RNF19B: variants seen among roughly 807,000 people sequenced by gnomAD.
RNF19B encodes E3 ubiquitin-protein ligase RNF19B.
In RNF19B, 23 loss-of-function variants were observed where a neutral mutation model predicts 65.5. The observed-to-expected ratio is 0.35, with a 90% CI of 0.25 to 0.50. RNF19B has a LOEUF of 0.50. Among genes scored for constraint, RNF19B ranks in the 20% least tolerant of loss-of-function variants. The pLI, the probability that RNF19B is intolerant of heterozygous loss-of-function variation, is 0.98. For synonymous variants in RNF19B, 372 were observed against 379.6 expected (o/e 0.98, Z 0.23); for missense variants, 794 against 980.0 (o/e 0.81, Z 2.53).
intron 1 of RNF19B, among the ~76,000 whole-genome samples, chr1:32,955,663 G>A (rs1402862036): frequency 2.0e-5 from 3 of 151,112 alleles, no homozygotes; most frequent in Admixed American, 6.6e-5. Flanking sequence ...GTGGGAGGAC[G>A]GCTACAGCCC....
At chr1:32,946,137 C>T (rs1642363259) in intron 4 of RNF19B, among the ~76,000 whole-genome samples, 1 of 152,238 alleles carries the variant, frequency 6.6e-6, no homozygotes, top group South Asian at 2.1e-4. Flanking sequence ...AAGTGCTAGG[C>T]CACGTATTAC....
chr1:32,948,266 G>A lies in RNF19B; in HGVS notation c.939C>T (p.Phe313=). ...HMTCAVCGCE[F]CWLCMKEISD... ...AGATCTCTTTCATACAAAGCCAACA[G>A]AATTCACAGCCACACACTGCACAGG... is the stretch of plus-strand genomic sequence containing the variant. Residue 313 remains phenylalanine (F), a synonymous_variant, in exon 3 of 9, where the codon TTC becomes TTT. Coordinates refer to ENST00000235150, the MANE Select transcript of RNF19B (RefSeq NM_001300826.2). 6.2e-7 allele frequency: 1 copy of A among 1,614,048 alleles called. No individual in the cohort carries two copies. The highest frequency in any genetic ancestry group is 8.5e-7 in the Non-Finnish European group (1 of 1,179,984).
downstream of RNF19B, among the ~76,000 whole-genome samples, chr1:32,933,070 T>C (rs188657318): frequency 8.3e-4 from 126 of 152,312 alleles, no homozygotes; most frequent in African/African-American, 2.9e-3. Context: ...ACAGATTACT[T>C]ATCCTCACTC....
At chr1:32,958,166 A>C (rs79603578) in intron 1 of RNF19B, among the ~76,000 whole-genome samples, 1 of 152,334 alleles carries the variant, frequency 6.6e-6, no homozygotes, top group East Asian at 1.9e-4. Flanking sequence ...GTTAAGCCTT[A>C]AAGATGCTAC....
At chr1:32,935,020 C>T (rs553769958), downstream of RNF19B, among the ~76,000 whole-genome samples, 68 of 151,232 alleles carry the variant, frequency 4.5e-4, 2 homozygotes, top group South Asian at 0.013. Context: ...TTAGTAGAGA[C>T]GGGGTTTCAC....
intron 1 of RNF19B, among the ~76,000 whole-genome samples, 183 bp downstream of exon 1, chr1:32,963,868 C>CA (rs1183046627): frequency 6.6e-6 from 1 of 152,368 alleles, no homozygotes; most frequent in East Asian, 1.9e-4. Context: ...AGCCCTGGGG[C>CA]AGGGGGCGGG....
chr1:32,964,686 G>A lies in RNF19B; in HGVS notation c.-1C>T. The A allele has an allele frequency of 6.9e-7, 1 of 1,459,578 alleles. No homozygotes were observed. The highest frequency in any genetic ancestry group is 9.0e-7 in the Non-Finnish European group (1 of 1,109,932). The allele number at this position is 1,459,578 out of a possible 1,614,324, so 90.4% of individuals were successfully genotyped here. Reference sequence around the variant, plus strand: ...ACTCGGAGTCCTTCTCGGAGCCCATGGCCGGCAGAGGCCGAGGAGCCAGGG... The same window carrying A: ...ACTCGGAGTCCTTCTCGGAGCCCATAGCCGGCAGAGGCCGAGGAGCCAGGG... On this transcript the variant is annotated 5_prime_UTR_variant, in exon 1 of 9. Transcript: ENST00000235150. This position sits in a 1 kb window ranked among gnomAD's most constrained non-coding sequence, Gnocchi z 6.5.
rs748338174 is a variant in RNF19B at position 32,936,872 on chromosome 1, C to T, written c.2130G>A (p.Met710Ile). The change falls in exon 9 of 9, where the codon ATG becomes ATA. Residue 710 changes from methionine (M) to isoleucine (I), a missense_variant. Around this residue, in one of 3 missense-constraint regions of RNF19B, gnomAD observed 368 missense variants for 447.3 expected, o/e 0.82. Transcript: ENST00000235150. ...GTCCCTCGGCTAGGGCAGAGAGGTT[C>T]ATATGGGCACTTGGGCTCGGTGCAC... ...AQGAPSPSAHMNLSALAEGQT... is the reference protein window; with the variant it reads ...AQGAPSPSAHINLSALAEGQT... The T allele has an allele frequency of 3.1e-6, 5 of 1,612,228 alleles. No individual in the cohort carries two copies. In the East Asian group the frequency reaches 8.9e-5, roughly 29 times the overall value.
chr1:32,946,834 C>T (rs1159874991), intron 3 of RNF19B, among the ~76,000 whole-genome samples: 2 of 152,186 alleles, frequency 1.3e-5, no homozygotes, highest in East Asian at 3.8e-4. Flanking sequence ...TCTTCCCTAA[C>T]CCACCAAAAC....
chr1:32,936,495 T>C lies in RNF19B; in HGVS notation c.*311A>G, dbSNP rs194638. 14 of 216,108 alleles carry C rather than the reference T, an allele frequency of 6.5e-5. No homozygotes were observed. Among genetic ancestry groups the C allele is most frequent in the Non-Finnish European group, 1.3e-4 (14 of 110,256 alleles). The allele number at this position is 216,108 out of a possible 1,614,324, so 13.4% of individuals were successfully genotyped here. A position where few individuals can be genotyped will look rare whatever the true frequency, so the allele number is the denominator to read the frequency against. On this transcript the variant is annotated 3_prime_UTR_variant, in exon 9 of 9. Transcript: ENST00000235150. Reference sequence around the variant, plus strand: ...TATTAAAATGTGTCTTTCAGTAATATGTTTAGCATTCAATATACACACATA... The same window carrying C: ...TATTAAAATGTGTCTTTCAGTAATACGTTTAGCATTCAATATACACACATA...
Position 32,964,160 on chromosome 1 carries a change from G to C in RNF19B, c.526C>G (p.Arg176Gly). ...AGCGGCGGGTCGGCGAGCAGCAAGC[G>C]GATGTCGTGCGGGTTGAGTCGCTCG... ...CSERLNPHDI[R>G]LLLADPPLMH... The change falls in exon 1 of 9, where the codon CGC (arginine) becomes GGC (glycine). Residue 176 changes from arginine (R) to glycine (G), a missense_variant. By Grantham distance (125) the Arg-to-Gly change is moderately radical. Transcript: ENST00000235150. The surrounding 1 kb of genome is among the most constrained non-coding windows in gnomAD (Gnocchi z 6.5). 4 of 1,544,716 alleles carry C rather than the reference G, an allele frequency of 2.6e-6. No homozygotes were observed. Among genetic ancestry groups the C allele is most frequent in the Non-Finnish European group, 3.5e-6 (4 of 1,144,622 alleles).
downstream of RNF19B, among the ~76,000 whole-genome samples, chr1:32,933,131 G>A (rs1034869416): frequency 2.0e-5 from 3 of 152,250 alleles, no homozygotes; most frequent in South Asian, 2.1e-4. Flanking sequence ...AGTTCCATGG[G>A]GACAGGAACT....
At position 32,940,583 on chromosome 1, in the gene RNF19B, G is replaced by A. The variant is rs1332117112; in HGVS notation, c.1610+1669C>T. ...CAAAATTAGTTTCCCTTTAGCTTCT[G>A]CCAAGTCATCTTAATCTACCTTTTG... is the stretch of plus-strand genomic sequence containing the variant. On this transcript the variant is annotated intron_variant, in intron 7 of 8. Transcript: ENST00000235150. Among the ~76,000 whole-genome samples, 3 of 152,046 alleles carry A rather than the reference G, an allele frequency of 2.0e-5. No individual in the cohort carries two copies. In the East Asian group the frequency reaches 5.8e-4, roughly 29 times the overall value.
chr1:32,964,496 G>A lies in RNF19B; in HGVS notation c.190C>T (p.Pro64Ser). 2 of 952,908 alleles carry A rather than the reference G, an allele frequency of 2.1e-6. No homozygotes were observed. Among genetic ancestry groups the A allele is most frequent in the Non-Finnish European group, 2.5e-6 (2 of 803,628 alleles). The allele number at this position is 952,908 out of a possible 1,614,324, so 59.0% of individuals were successfully genotyped here. A position where few individuals can be genotyped will look rare whatever the true frequency, so the allele number is the denominator to read the frequency against. ...GCCGCGGCAGGGGCCGGGGCGGGCGGCGGCTGCGCAGCCGGGGGCGGCGGC... is the reference window on the plus strand; with the variant it reads ...GCCGCGGCAGGGGCCGGGGCGGGCGACGGCTGCGCAGCCGGGGGCGGCGGC... Reference protein sequence around the residue: ...AEPPPPAAQPPPAPAPAAAQG... With the variant: ...AEPPPPAAQPSPAPAPAAAQG... Residue 64 changes from proline to serine, a missense_variant, in exon 1 of 9, where the codon CCG becomes TCG. By Grantham distance (74) the Pro-to-Ser change is moderately conservative. This residue lies in a region of RNF19B where 374 missense variants were observed against 423.8 expected (regional missense o/e 0.88). Transcript: ENST00000235150. This position sits in a 1 kb window ranked among gnomAD's most constrained non-coding sequence, Gnocchi z 6.5.
At chr1:32,943,196 C>T (rs774418055) in intron 6 of RNF19B, among the ~76,000 whole-genome samples, 13 of 151,592 alleles carry the variant, frequency 8.6e-5, no homozygotes, top group Admixed American at 1.3e-4. Context: ...GGGTTTTCTA[C>T]GTTACTTGTG....
chr1:32,937,087 G>T lies in RNF19B; in HGVS notation c.1915C>A (p.Gln639Lys). The T allele has an allele frequency of 6.2e-7, 1 of 1,614,170 alleles. No homozygotes were observed. Among genetic ancestry groups the T allele is most frequent in the South Asian group, 1.1e-5 (1 of 91,080 alleles). ...AGGCAGTCTTTCTGTTCACAGCTTT[G>T]GTGTCTGCAGGGGGGATCCTCTTCA... is the stretch of plus-strand genomic sequence containing the variant. ...GSEEDPPCRH[Q>K]SCEQKDCLAS... The change falls in exon 9 of 9, where the codon CAA becomes AAA. Residue 639 changes from glutamine to lysine, a missense_variant. Gln to Lys is a moderately conservative substitution (Grantham distance 53, BLOSUM62 1). Around this residue, in one of 3 missense-constraint regions of RNF19B, gnomAD observed 368 missense variants for 447.3 expected, o/e 0.82. Coordinates refer to ENST00000235150, the MANE Select transcript of RNF19B (RefSeq NM_001300826.2).
intron 1 of RNF19B, among the ~76,000 whole-genome samples, chr1:32,955,128 G>A (rs1642604151): frequency 6.6e-6 from 1 of 151,996 alleles, no homozygotes; most frequent in African/African-American, 2.4e-5. Context: ...AAACCACACT[G>A]GACTTAAGGA....
chr1:32,938,138 G>GACAAAAAA (rs1642147260), intron 8 of RNF19B, among the ~76,000 whole-genome samples: 1 of 10,824 alleles, frequency 9.2e-5, no homozygotes, highest in Non-Finnish European at 1.9e-4. Context: ...AGCCAAGAAA[G>GACAAAAAA]ACAAAAAAAA....
chr1:32,943,910 A>T, intron 6 of RNF19B, 109 bp downstream of exon 6: 1 of 1,140,826 alleles, frequency 8.8e-7, no homozygotes, highest in Non-Finnish European at 1.3e-6. Context: ...TACAAAGCTC[A>T]TTATCCAAAG....
Sources: gnomAD v4.1 joint callset for allele counts (sites outside exome capture counted in the v4.1 genomes callset) on GRCh38, gnomAD v4.1.1 for gene constraint, gnomAD v4.1.1 regional missense constraint, Gnocchi (gnomAD v3.1) non-coding constraint, MANE v1.5 for transcripts, NCBI Gene and HGNC (gene_info 2026-07-23, HGNC 2026-07-21) for gene names.